The following ROBO1 variants were observed in gnomAD, a reference collection of about 807,000 sequenced individuals.
ROBO1 encodes roundabout homolog 1.
ROBO1 carries 149 observed loss-of-function variants against 195.9 expected under a neutral mutation model. The ratio of observed to expected loss-of-function variants is 0.76; its 90% CI spans 0.67 to 0.87. ROBO1 has a LOEUF of 0.87. Ranked by LOEUF, ROBO1 falls within the 40% of genes least tolerant of loss-of-function variation. The probability of loss-of-function intolerance (pLI) is 0.00; values close to 1 mark genes in which losing one functional copy is unlikely to be tolerated. For synonymous variants in ROBO1, 816 were observed against 733.2 expected, an observed-to-expected ratio of 1.11 and a Z score of -1.82; for missense variants, 1,933 against 2,068.3, an observed-to-expected ratio of 0.93 and a Z score of 1.27.
chr3:78,920,437 T>A (rs2038869346), intron 4 of ROBO1, among the ~76,000 whole-genome samples: 1 of 151,872 alleles, frequency 6.6e-6, no homozygotes, highest in African/African-American at 2.4e-5. Context: ...CCTGAGTAGC[T>A]AGGATTACAG....
intron 3 of ROBO1, among the ~76,000 whole-genome samples, chr3:79,075,233 G>T (rs1344784110): frequency 5.3e-5 from 8 of 151,844 alleles, no homozygotes; most frequent in Non-Finnish European, 1.2e-4. Context: ...AGGGTGAAGA[G>T]GTGAACTGAA....
chr3:79,175,517 T>C (rs1194884453), intron 2 of ROBO1, among the ~76,000 whole-genome samples: 1 of 152,196 alleles, frequency 6.6e-6, no homozygotes, highest in Non-Finnish European at 1.5e-5. Flanking sequence ...TCTTCCTTCC[T>C]AACACTGGAA....
intron 2 of ROBO1, among the ~76,000 whole-genome samples, chr3:79,158,422 T>C (rs2080895896): frequency 6.6e-6 from 1 of 151,628 alleles, no homozygotes; most frequent in Admixed American, 6.6e-5. Context: ...TAATTCTATT[T>C]TTATGTAGAA....
intron 25 of ROBO1, 58 bp from the exon 26 acceptor site, chr3:78,627,627 G>A: frequency 6.7e-7 from 1 of 1,498,044 alleles, no homozygotes; most frequent in Non-Finnish European, 9.0e-7. Flanking sequence ...TAAACTATTT[G>A]GATAGTAATG....
rs76213494 is a variant in ROBO1, at chr3:78,640,034, C to T, written c.2883-136G>A. 8.5e-3 allele frequency: 6,480 copies of T among 758,176 alleles called. 177 individuals are homozygous for T. Among genetic ancestry groups the T allele is most frequent in the East Asian group, 0.074 (2,603 of 35,264 alleles). The allele number at this position is 758,176 out of a possible 1,614,324, so 47.0% of individuals were successfully genotyped here. A position where few individuals can be genotyped will look rare whatever the true frequency, so the allele number is the denominator to read the frequency against. On this transcript the variant is annotated intron_variant, in intron 21 of 30. Coordinates refer to ENST00000464233, the MANE Select transcript of ROBO1 (RefSeq NM_002941.4). Reference sequence around the variant, plus strand: ...AACTATGCTGAATGACATTATTATCCCTTTTATTCTACACACAGGCAACTG... The same window carrying T: ...AACTATGCTGAATGACATTATTATCTCTTTTATTCTACACACAGGCAACTG...
intron 2 of ROBO1, among the ~76,000 whole-genome samples, chr3:79,550,520 T>C (rs764413958): frequency 2.3e-4 from 35 of 152,226 alleles, no homozygotes; most frequent in Non-Finnish European, 4.4e-4. Flanking sequence ...TTTTGTTGAA[T>C]AGTCAAATTT....
At chr3:79,257,300 A>G (rs954844469) in intron 2 of ROBO1, among the ~76,000 whole-genome samples, 1 of 152,170 alleles carries the variant, frequency 6.6e-6, no homozygotes, top group Non-Finnish European at 1.5e-5. Flanking sequence ...GGGATTTATC[A>G]TGCTTTCAGA....
chr3:79,097,771 T>C (rs567977466), intron 3 of ROBO1, among the ~76,000 whole-genome samples: 110 of 151,844 alleles, frequency 7.2e-4, no homozygotes, highest in Middle Eastern at 3.4e-3. Flanking sequence ...ATTTTCTTTC[T>C]CATATCCTTC....
intron 2 of ROBO1, among the ~76,000 whole-genome samples, chr3:79,196,522 T>C: frequency 6.6e-6 from 1 of 151,646 alleles, no homozygotes; most frequent in Non-Finnish European, 1.5e-5. Flanking sequence ...GCTCACAGAG[T>C]TCTTCTCAAG....
intron 4 of ROBO1, among the ~76,000 whole-genome samples, chr3:78,781,470 C>T (rs1212882944): frequency 2.0e-5 from 3 of 152,118 alleles, no homozygotes; most frequent in Non-Finnish European, 4.4e-5. Flanking sequence ...GTGATTCTAA[C>T]ATAACATACC....
intron 4 of ROBO1, among the ~76,000 whole-genome samples, chr3:78,826,976 C>A (rs778022297): frequency 2.6e-5 from 4 of 152,056 alleles, no homozygotes; most frequent in Non-Finnish European, 5.9e-5. Context: ...TTTGCATATA[C>A]ATACTTATAC....
chr3:78,678,473 TA>T (rs1708578828), intron 10 of ROBO1, among the ~76,000 whole-genome samples: 1 of 151,938 alleles, frequency 6.6e-6, no homozygotes. Context: ...ATGGATGCAA[TA>T]AAAAATGATA....
At chr3:79,545,387 TGTATA>T (rs1164515513) in intron 2 of ROBO1, among the ~76,000 whole-genome samples, 2 of 152,202 alleles carry the variant, frequency 1.3e-5, no homozygotes, top group African/African-American at 2.4e-5. Flanking sequence ...ATGAATGGTT[TGTATA>T]GTATAGACAC....
intron 5 of ROBO1, among the ~76,000 whole-genome samples, chr3:78,734,198 G>A (rs2082342395): frequency 6.6e-6 from 1 of 152,106 alleles, no homozygotes; most frequent in South Asian, 2.1e-4. Context: ...GGAATTCCAT[G>A]TGGAAGGCAG....
chr3:78,926,655 A>C (rs902888963), intron 4 of ROBO1, among the ~76,000 whole-genome samples: 18 of 152,132 alleles, frequency 1.2e-4, no homozygotes, highest in African/African-American at 4.1e-4. Flanking sequence ...ATAGAGGTTC[A>C]GGCTGGGGAT....
At chr3:78,916,331 C>G (rs1331695641) in intron 4 of ROBO1, among the ~76,000 whole-genome samples, 1 of 150,168 alleles carries the variant, frequency 6.7e-6, no homozygotes, top group African/African-American at 2.5e-5. Context: ...GGTGGGCGAA[C>G]CACCTGAGGT....
rs139708288 is a variant in ROBO1, at chr3:79,233,618, C to T, written c.89-108079G>A. Among the ~76,000 whole-genome samples, 29 of 152,180 alleles carry T rather than the reference C, an allele frequency of 1.9e-4. No homozygotes were observed. In the East Asian group the frequency reaches 5.2e-3, roughly 27 times the overall value. On this transcript the variant is annotated intron_variant, in intron 2 of 30. Transcript: ENST00000464233. ...GTCATTCCAGGCTACATCCATTGAA[C>T]TCCAAGTGTAGCATTCTTGAATCAA...
rs1191923818 is a variant in ROBO1 at position 78,711,348 on chromosome 3, CTCCTTCCTTCCTTCCT to C, written c.1045+3033_1045+3048del. Among the ~76,000 whole-genome samples the C allele has an allele frequency of 2.0e-3, 111 of 54,662 alleles. 1 individual carries two copies. The highest frequency in any genetic ancestry group is 7.8e-3 in the South Asian group (9 of 1,154). 35.9% of individuals were successfully genotyped at this position (54,662 alleles called of 152,430 possible). On this transcript the variant is annotated intron_variant, in intron 8 of 30. Transcript: ENST00000464233. ...CTCTCCTTCCTTCCTTCCTTCCTTC[CTCCTTCCTTCCTTCCT>C]TCCTTCCTTCCTTCCTTCCTTCCTT...
chr3:79,137,182 G>A (rs929494304), intron 2 of ROBO1, among the ~76,000 whole-genome samples: 4 of 152,010 alleles, frequency 2.6e-5, no homozygotes, highest in East Asian at 1.9e-4. Flanking sequence ...AAACAAAAAC[G>A]TTAGCCTTGA....
Sources: gnomAD v4.1 joint callset for allele counts (sites outside exome capture counted in the v4.1 genomes callset) on GRCh38, gnomAD v4.1.1 for gene constraint, MANE v1.5 for transcripts, NCBI Gene and HGNC (gene_info 2026-07-23, HGNC 2026-07-21) for gene names.